NBEA: variants seen among roughly 807,000 people sequenced by gnomAD.
NBEA encodes lysosomal-trafficking regulator 2.
NBEA carries 44 observed loss-of-function variants against 343.4 expected under a neutral mutation model. The ratio of observed to expected loss-of-function variants is 0.13; its 90% confidence interval spans 0.10 to 0.16. The LOEUF is 0.16. Among genes scored for constraint, NBEA ranks in the 10% least tolerant of loss-of-function variants. NBEA has a pLI of 1.00. For synonymous variants in NBEA, 1,175 were observed against 1,238.7 expected, an observed-to-expected ratio of 0.95 and a Z score of 1.08; for missense variants, 2,555 against 3,631.3, an observed-to-expected ratio of 0.70 and a Z score of 7.62.
rs1370420690 is a variant in NBEA, at chr13:35,010,742, ATATATATATATATATATATAT to A, written c.295-30190_295-30170del. ...GGGTCTCTACAAAAAAAAAAAAAAAATATATATATATATATATATATATATATATATATATATAAGCTGGGT... is the reference window on the plus strand; with the variant it reads ...GGGTCTCTACAAAAAAAAAAAAAAAAATATATATATATATATAAGCTGGGT... On this transcript the variant is annotated intron_variant, in intron 1 of 58. Coordinates refer to ENST00000379939, the MANE Select transcript of NBEA (RefSeq NM_001385012.1). 7.2e-5 allele frequency among the ~76,000 whole-genome samples: 6 copies of A among 83,756 alleles called. 2 individuals are homozygous for A. In the Admixed American group the frequency reaches 7.4e-4, roughly 10 times the overall value. 54.9% of individuals were successfully genotyped at this position (83,756 alleles called of 152,430 possible).
chr13:35,593,091 T>G, intron 46 of NBEA: 1 of 396,444 alleles, frequency 2.5e-6, no homozygotes, highest in Admixed American at 4.3e-5. Flanking sequence ...CCCCATCATT[T>G]CACAGATGAG....
intron 20 of NBEA, among the ~76,000 whole-genome samples, chr13:35,156,722 A>T (rs2069199818): frequency 6.6e-6 from 1 of 152,178 alleles, no homozygotes. Context: ...GCTACACAAG[A>T]TAGTCTTAGT....
intron 38 of NBEA, among the ~76,000 whole-genome samples, chr13:35,392,914 G>T (rs1176467127): frequency 2.0e-5 from 3 of 152,198 alleles, no homozygotes; most frequent in Non-Finnish European, 4.4e-5. Flanking sequence ...AGGACACATT[G>T]TGGTTATTAA....
chr13:35,017,184 A>AT lies in NBEA; in HGVS notation c.295-23740dup, dbSNP rs202038324. On this transcript the variant is annotated intron_variant, in intron 1 of 58. Coordinates refer to ENST00000379939, the MANE Select transcript of NBEA (RefSeq NM_001385012.1). ...CTTCATTTATAGTGGTGACACAGTTATTTTTTTTTATTAAATAAAGTGAAG... is the reference window on the plus strand; with the variant it reads ...CTTCATTTATAGTGGTGACACAGTTATTTTTTTTTTATTAAATAAAGTGAAG... 4.5e-4 allele frequency among the ~76,000 whole-genome samples: 69 copies of AT among 151,672 alleles called. 1 individual carries two copies. The South Asian group carries it at 8.4e-3, about 18-fold the overall frequency.
At chr13:35,521,348 T>C (rs2077704599) in intron 41 of NBEA, among the ~76,000 whole-genome samples, 1 of 152,212 alleles carries the variant, frequency 6.6e-6, no homozygotes, top group South Asian at 2.1e-4. Context: ...GTTCTAATTC[T>C]GATTCCATTA....
intron 29 of NBEA, 77 bp downstream of exon 29, chr13:35,182,605 ACT>A: frequency 1.5e-6 from 2 of 1,323,776 alleles, no homozygotes; most frequent in African/African-American, 1.5e-5. Context: ...CTAGATTTAA[ACT>A]GGACCTCTTC....
At chr13:35,419,223 C>G (rs2044129361) in intron 38 of NBEA, among the ~76,000 whole-genome samples, 1 of 151,968 alleles carries the variant, frequency 6.6e-6, no homozygotes, top group Admixed American at 6.6e-5. Context: ...AAATTTATTT[C>G]TTGCAGTTCT....
intron 39 of NBEA, among the ~76,000 whole-genome samples, chr13:35,440,742 T>G (rs914346504): frequency 3.9e-5 from 6 of 152,082 alleles, no homozygotes; most frequent in African/African-American, 1.4e-4. Context: ...ACCATAGAAA[T>G]TAGGGGACAT....
At chr13:35,619,438 A>G (rs1413303169) in intron 48 of NBEA, among the ~76,000 whole-genome samples, 1 of 152,158 alleles carries the variant, frequency 6.6e-6, no homozygotes, top group Non-Finnish European at 1.5e-5. Context: ...CAGACTGGAC[A>G]GCAGAACTGC....
intron 53 of NBEA, among the ~76,000 whole-genome samples, chr13:35,653,277 C>T (rs557480745): frequency 6.7e-6 from 1 of 149,504 alleles, no homozygotes; most frequent in East Asian, 1.9e-4. Context: ...GAAAATGCTA[C>T]GAAAAATTAT....
chr13:34,999,215 G>A (rs1050813860), intron 1 of NBEA, among the ~76,000 whole-genome samples: 27 of 152,080 alleles, frequency 1.8e-4, no homozygotes, highest in Admixed American at 5.9e-4. Context: ...AAAAATTTTT[G>A]TGGGTATATA....
At chr13:35,045,203 A>AT in intron 3 of NBEA, 103 bp from the exon 4 acceptor site, 2 of 1,208,796 alleles carry the variant, frequency 1.7e-6, no homozygotes, top group Non-Finnish European at 2.3e-6. Context: ...TTTAAAATTA[A>AT]TTTTTCTCTC....
At chr13:34,944,173 CAT>C (rs1418089309) in intron 1 of NBEA, among the ~76,000 whole-genome samples, 1 of 152,186 alleles carries the variant, frequency 6.6e-6, no homozygotes. Flanking sequence ...GGAGGCAAGA[CAT>C]AAATCGAGAG....
At chr13:35,507,610 C>T (rs935890128) in intron 41 of NBEA, among the ~76,000 whole-genome samples, 1 of 152,118 alleles carries the variant, frequency 6.6e-6, no homozygotes, top group African/African-American at 2.4e-5. Flanking sequence ...GTTGTTCGAG[C>T]CAAAACCTTG....
intron 39 of NBEA, among the ~76,000 whole-genome samples, chr13:35,448,912 T>TA (rs2152943058): frequency 6.6e-6 from 1 of 152,298 alleles, no homozygotes; most frequent in Admixed American, 6.5e-5. Flanking sequence ...TGTAAGCTGT[T>TA]AACGTGCAGT....
At chr13:35,389,451 C>G (rs1462288516) in intron 38 of NBEA, among the ~76,000 whole-genome samples, 2 of 151,896 alleles carry the variant, frequency 1.3e-5, no homozygotes, top group Admixed American at 1.3e-4. Context: ...GTATTCTAGG[C>G]AAAGATGTCT....
chr13:35,466,213 A>G (rs2075380008), intron 40 of NBEA, among the ~76,000 whole-genome samples: 1 of 152,128 alleles, frequency 6.6e-6, no homozygotes, highest in Non-Finnish European at 1.5e-5. Flanking sequence ...TGTGGGGATA[A>G]TTAGTTATTG....
At chr13:35,178,925 C>T (rs577967719) in intron 28 of NBEA, among the ~76,000 whole-genome samples, 40 of 151,504 alleles carry the variant, frequency 2.6e-4, no homozygotes, top group Middle Eastern at 3.4e-3. Flanking sequence ...TGATTAAAAA[C>T]ATGGAGCTCA....
intron 1 of NBEA, among the ~76,000 whole-genome samples, chr13:34,948,343 G>T (rs1053811701): frequency 6.6e-6 from 1 of 152,138 alleles, no homozygotes; most frequent in Non-Finnish European, 1.5e-5. Context: ...GCCAGAGTAG[G>T]TTCCAGGAAT....
Sources: allele counts gnomAD v4.1 joint callset (sites outside exome capture counted in the v4.1 genomes callset), GRCh38; gene constraint gnomAD v4.1.1; transcripts MANE v1.5; gene names NCBI Gene and HGNC (gene_info 2026-07-23, HGNC 2026-07-21).